The following FMN1 variants were observed in gnomAD, a reference collection of about 807,000 sequenced individuals.
FMN1 encodes formin 1.
In FMN1, 110 loss-of-function variants were observed where a neutral mutation model predicts 132.4. The ratio of observed to expected loss-of-function variants is 0.83; its 90% CI spans 0.71 to 0.97. The LOEUF (loss-of-function observed/expected upper bound fraction) is 0.97, where lower values mean the gene tolerates loss of function less well. Among genes scored for constraint, FMN1 ranks in the 50% least tolerant of loss-of-function variants. The pLI, the probability that FMN1 is intolerant of heterozygous loss-of-function variation, is 0.00. For synonymous variants in FMN1, 722 were observed against 651.7 expected (o/e 1.11, Z -1.64); for missense variants, 1,792 against 1,705.3 (o/e 1.05, Z -0.90).
At chr15:33,092,177 T>C (rs1307661140) in intron 4 of FMN1, among the ~76,000 whole-genome samples, 3 of 152,206 alleles carry the variant, frequency 2.0e-5, no homozygotes, top group African/African-American at 7.2e-5. Flanking sequence ...GCCATTCACA[T>C]GATGAGCTGC....
At chr15:32,842,417 C>T (rs2058764403) in intron 17 of FMN1, among the ~76,000 whole-genome samples, 2 of 152,190 alleles carry the variant, frequency 1.3e-5, no homozygotes. Context: ...TAAGTCTAAT[C>T]AACTCATTAA....
At chr15:32,861,175 T>C (rs570492587) in intron 16 of FMN1, among the ~76,000 whole-genome samples, 4 of 152,220 alleles carry the variant, frequency 2.6e-5, no homozygotes, top group Non-Finnish European at 5.9e-5. Context: ...GAACGTAGTA[T>C]AAAACATGCC....
At chr15:33,186,361 T>C (rs903989680) in intron 2 of FMN1, among the ~76,000 whole-genome samples, 8 of 152,080 alleles carry the variant, frequency 5.3e-5, no homozygotes, top group South Asian at 2.1e-4. Flanking sequence ...GAGTAAACCA[T>C]CCCAGGCCCT....
At chr15:33,114,568 A>C (rs1374800828) in intron 4 of FMN1, among the ~76,000 whole-genome samples, 5 of 152,160 alleles carry the variant, frequency 3.3e-5, no homozygotes, top group Non-Finnish European at 7.4e-5. Flanking sequence ...GTACCCAAGA[A>C]CACCACGCAA....
intron 9 of FMN1, among the ~76,000 whole-genome samples, chr15:32,929,499 C>T (rs2061050582): frequency 6.6e-6 from 1 of 152,102 alleles, no homozygotes. Flanking sequence ...CATTATTAAC[C>T]ACAAGCACAA....
chr15:32,988,533 G>C (rs1306227043), intron 7 of FMN1, among the ~76,000 whole-genome samples: 1 of 152,144 alleles, frequency 6.6e-6, no homozygotes, highest in African/African-American at 2.4e-5. Flanking sequence ...CCATCACTTA[G>C]ACTGTAGTCA....
At chr15:33,095,664 T>A (rs2039056609) in intron 4 of FMN1, among the ~76,000 whole-genome samples, 2 of 152,170 alleles carry the variant, frequency 1.3e-5, no homozygotes. Context: ...TAAGTCATTG[T>A]GCCTGGCCCC....
intron 6 of FMN1, among the ~76,000 whole-genome samples, chr15:33,059,887 G>A (rs143046025): frequency 1.3e-5 from 2 of 152,152 alleles, no homozygotes; most frequent in African/African-American, 4.8e-5. Flanking sequence ...TGTGATTCTT[G>A]AGTCTCCAGT....
At chr15:33,085,727 G>A (rs1202658061) in intron 5 of FMN1, among the ~76,000 whole-genome samples, 1 of 151,876 alleles carries the variant, frequency 6.6e-6, no homozygotes, top group Non-Finnish European at 1.5e-5. Context: ...TAAGGAAATA[G>A]TCCTAAATAA....
chr15:32,866,846 T>C (rs529412200), intron 16 of FMN1, among the ~76,000 whole-genome samples: 26 of 152,278 alleles, frequency 1.7e-4, no homozygotes, highest in African/African-American at 5.5e-4. Flanking sequence ...AAACACTTTG[T>C]CCCTTAGCGT....
intron 17 of FMN1, among the ~76,000 whole-genome samples, chr15:32,844,434 T>C (rs1176319593): frequency 6.6e-6 from 1 of 152,214 alleles, no homozygotes. Flanking sequence ...GATGTAATTA[T>C]AGAAATAATT....
chr15:33,150,295 G>C (rs1397066050), intron 4 of FMN1: 12 of 985,422 alleles, frequency 1.2e-5, no homozygotes, highest in Non-Finnish European at 1.4e-5. Context: ...AGGTTTGGGG[G>C]AAGACCATAC....
At chr15:33,174,195 G>A (rs1965432105) in intron 3 of FMN1, among the ~76,000 whole-genome samples, 1 of 151,990 alleles carries the variant, frequency 6.6e-6, no homozygotes, top group African/African-American at 2.4e-5. Context: ...TTTTCCCAAA[G>A]AAAAGAAAAG....
intron 5 of FMN1, among the ~76,000 whole-genome samples, chr15:33,077,128 G>A (rs991379331): frequency 3.9e-5 from 6 of 152,038 alleles, no homozygotes; most frequent in Admixed American, 3.3e-4. Flanking sequence ...CTCCCAGGGC[G>A]CAAGCCATCT....
intron 8 of FMN1, among the ~76,000 whole-genome samples, chr15:32,966,098 G>A (rs1272000493): frequency 6.6e-6 from 1 of 152,104 alleles, no homozygotes; most frequent in African/African-American, 2.4e-5. Context: ...GCAGCTAAGG[G>A]GTGACGTCTA....
At chr15:33,035,629 C>T (rs557778924) in intron 6 of FMN1, among the ~76,000 whole-genome samples, 1 of 152,302 alleles carries the variant, frequency 6.6e-6, no homozygotes, top group East Asian at 1.9e-4. Context: ...GTGAGGCCTG[C>T]CTGCCCTAAC....
intron 20 of FMN1, 56 bp downstream of exon 20, chr15:32,776,779 G>A (rs2056432613): frequency 9.4e-7 from 1 of 1,058,930 alleles, no homozygotes; most frequent in South Asian, 1.4e-5. Context: ...AGCCCTTCCT[G>A]GGCGCACCTC....
chr15:32,774,873 C>T (rs891427208), intron 20 of FMN1, among the ~76,000 whole-genome samples: 4 of 152,180 alleles, frequency 2.6e-5, no homozygotes, highest in African/African-American at 9.7e-5. Flanking sequence ...ATGTTATGCT[C>T]TTCATTCTCC....
At chr15:32,970,678 G>A (rs1357862876) in intron 7 of FMN1, 1 of 152,018 alleles carries the variant, frequency 6.6e-6, no homozygotes, top group African/African-American at 2.4e-5. Flanking sequence ...GCCTTGGAGG[G>A]AAAGGTATAC....
Sources: gnomAD v4.1 joint callset for allele counts (sites outside exome capture counted in the v4.1 genomes callset) on GRCh38, gnomAD v4.1.1 for gene constraint, MANE v1.5 for transcripts, NCBI Gene and HGNC (gene_info 2026-07-23, HGNC 2026-07-21) for gene names.